Variants in WASF3 observed in about 807,000 individuals in gnomAD.
The protein encoded by WASF3 is actin-binding protein WASF3.
WASF3 carries 11 observed loss-of-function variants against 46.6 expected under a neutral mutation model. That is an observed-to-expected ratio of 0.24 (90% CI 0.15 to 0.39). WASF3 has a LOEUF of 0.39. Ranked by LOEUF, WASF3 falls within the 10% of genes least tolerant of loss-of-function variation. The pLI, the probability that WASF3 is intolerant of heterozygous loss-of-function variation, is 1.00. For missense variants in WASF3, 576 were observed against 669.8 expected (o/e 0.86, Z 1.55); for synonymous variants, 242 against 259.7 (o/e 0.93, Z 0.65).
At chr13:26,619,873 A>C (rs1234316235) in intron 2 of WASF3, among the ~76,000 whole-genome samples, 1 of 152,140 alleles carries the variant, frequency 6.6e-6, no homozygotes, top group Non-Finnish European at 1.5e-5. Flanking sequence ...ATTAGAAGTC[A>C]AGGATTACTT....
chr13:26,559,788 T>TTTTCTTTCTTTCTTTC (rs1555246392), intron 1 of WASF3, among the ~76,000 whole-genome samples: 81 of 80,538 alleles, frequency 1.0e-3, no homozygotes, highest in East Asian at 3.2e-3. Flanking sequence ...TTTTCTTTTC[T>TTTTCTTTCTTTCTTTC]TTTCTTTCTT....
At chr13:26,543,398 G>A in the WASF3 span, among the ~76,000 whole-genome samples, 359 of 152,214 alleles carry the variant, frequency 2.4e-3, 2 homozygotes, top group Non-Finnish European at 4.2e-3. Flanking sequence ...CATTCAGAAA[G>A]CTTTTAGCTT....
rs111542114 is a variant in WASF3, at chr13:26,686,128, A to G, written c.*283A>G. On this transcript the variant is annotated 3_prime_UTR_variant, in exon 10 of 10. Transcript: ENST00000335327. Reference sequence around the variant, plus strand: ...TTTCCTCTTGGCCATGAGAGTATTTAGTGCAGTTTGGGTTTACTCTTACTG... The same window carrying G: ...TTTCCTCTTGGCCATGAGAGTATTTGGTGCAGTTTGGGTTTACTCTTACTG... 1 of 376,930 alleles carries G rather than the reference A, an allele frequency of 2.7e-6. No individual in the cohort carries two copies. Among genetic ancestry groups the G allele is most frequent in the Non-Finnish European group, 4.9e-6 (1 of 205,472 alleles). The allele number at this position is 376,930 out of a possible 1,614,324, so 23.3% of individuals were successfully genotyped here.
chr13:26,539,215 CA>C, the WASF3 span, among the ~76,000 whole-genome samples: 1 of 152,008 alleles, frequency 6.6e-6, no homozygotes, highest in Non-Finnish European at 1.5e-5. Flanking sequence ...AGGACAAATG[CA>C]GAATTTGGAA....
chr13:26,685,313 C>G (rs1883369002), intron 9 of WASF3, among the ~76,000 whole-genome samples: 1 of 152,114 alleles, frequency 6.6e-6, no homozygotes, highest in Non-Finnish European at 1.5e-5. Flanking sequence ...GATAGAAATG[C>G]TCCAGCCTGC....
At position 26,682,487 on chromosome 13, in the gene WASF3, T is replaced by C. The variant is rs1593189319; in HGVS notation, c.984-120T>C. 6 of 1,187,328 alleles carry C rather than the reference T, an allele frequency of 5.1e-6. No individual in the cohort carries two copies. The highest frequency in any genetic ancestry group is 2.1e-5 in the Admixed American group (1 of 46,844). 73.5% of individuals were successfully genotyped at this position (1,187,328 alleles called of 1,614,324 possible). A position where few individuals can be genotyped will look rare whatever the true frequency, so the allele number is the denominator to read the frequency against. On this transcript the variant is annotated intron_variant, in intron 8 of 9. Transcript: ENST00000335327. This position sits in a 1 kb window ranked among gnomAD's most constrained non-coding sequence, Gnocchi z 4.4. ...TGTGCATGTTTGCATCCTGCCATGA[T>C]TGAAGTTCAGGTGACAATACGTGTT...
intron 1 of WASF3, among the ~76,000 whole-genome samples, chr13:26,569,583 A>T (rs1186241153): frequency 6.6e-6 from 1 of 152,200 alleles, no homozygotes; most frequent in East Asian, 1.9e-4. Flanking sequence ...GAAAGATTAT[A>T]GCCTTACATG....
At chr13:26,647,549 AC>A (rs1446341197) in intron 3 of WASF3, among the ~76,000 whole-genome samples, 2 of 152,198 alleles carry the variant, frequency 1.3e-5, no homozygotes, top group Non-Finnish European at 2.9e-5. Context: ...TCAGATTCCT[AC>A]TGGTATTATG....
intron 3 of WASF3, among the ~76,000 whole-genome samples, chr13:26,660,644 A>G (rs1482354063): frequency 6.6e-6 from 1 of 151,902 alleles, no homozygotes; most frequent in African/African-American, 2.4e-5. Context: ...GAGCAGGGGA[A>G]GAGGGAGGGT....
the WASF3 span, among the ~76,000 whole-genome samples, chr13:26,544,552 A>G: frequency 6.6e-6 from 1 of 152,224 alleles, no homozygotes; most frequent in African/African-American, 2.4e-5. Flanking sequence ...AAAACCCAAG[A>G]GTGACTACTA....
chr13:26,683,119 T>G (rs1188569613), intron 9 of WASF3, 145 bp downstream of exon 9: 6 of 1,232,830 alleles, frequency 4.9e-6, no homozygotes, highest in Non-Finnish European at 6.6e-6. Context: ...GATTTTTTTG[T>G]TTTGTTTTGA....
intron 1 of WASF3, among the ~76,000 whole-genome samples, chr13:26,601,032 T>A (rs1880626700): frequency 1.3e-5 from 2 of 152,288 alleles, no homozygotes; most frequent in African/African-American, 4.8e-5. Flanking sequence ...GTTTTGTGGG[T>A]TTATATAGTG....
intron 3 of WASF3, among the ~76,000 whole-genome samples, chr13:26,661,125 G>A (rs1359474229): frequency 9.2e-5 from 14 of 152,172 alleles, no homozygotes; most frequent in Non-Finnish European, 1.5e-4. Context: ...TCCAACATTG[G>A]GGATCACATT....
rs1182104235 is a variant in WASF3 at position 26,619,622 on chromosome 13, G to T, written c.-11+6564G>T. 3.3e-5 allele frequency: 5 copies of T among 151,784 alleles called. No homozygotes were observed. The East Asian group carries it at 7.7e-4, about 23-fold the overall frequency. 9.4% of individuals were successfully genotyped at this position (151,784 alleles called of 1,614,324 possible). On this transcript the variant is annotated intron_variant, in intron 2 of 9. Coordinates refer to ENST00000335327, the MANE Select transcript of WASF3 (RefSeq NM_006646.6). The stretch of plus-strand genomic sequence containing the variant: ...AAAATACAAAACAGAGTAAGATAGG[G>T]GGTCTGAAGCTTATGCATGCAATCA...
At chr13:26,554,790 A>G (rs1046578558), upstream of WASF3, among the ~76,000 whole-genome samples, 2 of 152,190 alleles carry the variant, frequency 1.3e-5, no homozygotes, top group Non-Finnish European at 2.9e-5. Flanking sequence ...TTATTCATTC[A>G]CCTTGTGAGG....
In WASF3 at chr13:26,676,556, A is replaced by G; in HGVS notation, c.548A>G (p.Lys183Arg). The change falls in exon 7 of 10, where the codon AAG becomes AGG. Residue 183 changes from lysine to arginine, a missense_variant. This residue lies in a region of WASF3 where 213 missense variants were observed against 278.0 expected (regional missense o/e 0.77). Coordinates refer to ENST00000335327, the MANE Select transcript of WASF3 (RefSeq NM_006646.6). ...TCCTTTCCTGGACATCAGGAGCAAA[A>G]GCGTATAGATGGCACCACCCGTGAG... ...RKEKRRQKEQKRIDGTTREVK... is the reference protein window; with the variant it reads ...RKEKRRQKEQRRIDGTTREVK... The G allele has an allele frequency of 6.2e-7, 1 of 1,613,698 alleles. No individual in the cohort carries two copies. Among genetic ancestry groups the G allele is most frequent in the South Asian group, 1.1e-5 (1 of 90,992 alleles).
chr13:26,599,471 G>A (rs1014026371), intron 1 of WASF3, among the ~76,000 whole-genome samples: 1 of 152,126 alleles, frequency 6.6e-6, no homozygotes, highest in Non-Finnish European at 1.5e-5. Context: ...TGACATAGGG[G>A]CTCTCTCAGC....
At chr13:26,587,549 C>G (rs932576726) in intron 1 of WASF3, among the ~76,000 whole-genome samples, 2 of 152,178 alleles carry the variant, frequency 1.3e-5, no homozygotes, top group Non-Finnish European at 2.9e-5. Flanking sequence ...GTATCTTCAG[C>G]ACAATTAAGT....
At chr13:26,545,012 G>C in the WASF3 span, among the ~76,000 whole-genome samples, 1 of 152,350 alleles carries the variant, frequency 6.6e-6, no homozygotes, top group Non-Finnish European at 1.5e-5. Flanking sequence ...CAGCTAAAAA[G>C]AGTCGTGATT....
Sources: gnomAD v4.1 joint callset for allele counts (sites outside exome capture counted in the v4.1 genomes callset) on GRCh38, gnomAD v4.1.1 for gene constraint, gnomAD v4.1.1 regional missense constraint, Gnocchi (gnomAD v3.1) non-coding constraint, MANE v1.5 for transcripts, NCBI Gene and HGNC (gene_info 2026-07-23, HGNC 2026-07-21) for gene names.